Variants in UNC80 observed in about 807,000 individuals in gnomAD.
UNC80 encodes unc-80 subunit of NALCN channel complex.
Under a neutral mutation model 384.6 loss-of-function variants are expected in UNC80, and 164 were observed. That is an observed-to-expected ratio of 0.43 (90% CI 0.38 to 0.49). UNC80 has a LOEUF of 0.49. UNC80 is among the 20% of genes least tolerant of loss of function. The pLI is 0.00. For synonymous variants in UNC80, 1,486 were observed against 1,527.8 expected (o/e 0.97, Z 0.64); for missense variants, 3,330 against 4,143.0 (o/e 0.80, Z 5.39).
intron 61 of UNC80, among the ~76,000 whole-genome samples, chr2:209,989,248 G>A (rs1472748927): frequency 2.6e-5 from 4 of 151,346 alleles, no homozygotes; most frequent in South Asian, 2.1e-4. Flanking sequence ...TTGCTTGAAC[G>A]CAGGAGGTGG....
intron 29 of UNC80, 34 bp from the exon 30 acceptor site, chr2:209,912,526 A>T: frequency 1.4e-6 from 2 of 1,447,166 alleles, no homozygotes; most frequent in Non-Finnish European, 1.9e-6. Flanking sequence ...TAGAAAACAC[A>T]TCACTCTTCA....
At chr2:209,893,063 A>C (rs78559315) in intron 26 of UNC80, among the ~76,000 whole-genome samples, 2 of 152,248 alleles carry the variant, frequency 1.3e-5, no homozygotes, top group East Asian at 3.8e-4. Flanking sequence ...CATTAAAAGT[A>C]TACATTTAGC....
chr2:209,982,357 C>A, intron 60 of UNC80, 40 bp downstream of exon 60: 1 of 1,483,616 alleles, frequency 6.7e-7, no homozygotes, highest in Admixed American at 2.3e-5. Flanking sequence ...CATTTGGGGG[C>A]AAAGTTAGAA....
chr2:209,948,270 G>T (rs2092001290), intron 47 of UNC80, among the ~76,000 whole-genome samples: 3 of 152,012 alleles, frequency 2.0e-5, no homozygotes, highest in African/African-American at 7.3e-5. Context: ...TTCCAAGGTG[G>T]TTTCAATTTT....
chr2:209,894,492 C>T (rs1245982835), intron 27 of UNC80, 126 bp downstream of exon 27: 2 of 423,444 alleles, frequency 4.7e-6, no homozygotes, highest in Non-Finnish European at 6.3e-6. Context: ...GGATAGACAA[C>T]CTGTTCAGCC....
chr2:209,934,573 C>T (rs2091114221), intron 39 of UNC80, among the ~76,000 whole-genome samples: 1 of 152,094 alleles, frequency 6.6e-6, no homozygotes, highest in South Asian at 2.1e-4. Context: ...TGAGATGATA[C>T]ATGTATTGAA....
Position 209,817,800 on chromosome 2 carries a change from T to C in UNC80, c.1553-12T>C, listed in dbSNP as rs930261084. The C allele has an allele frequency of 3.7e-5, 57 of 1,551,420 alleles. No homozygotes were observed. The Admixed American group carries it at 4.3e-4, about 12-fold the overall frequency. On this transcript the variant is annotated splice_polypyrimidine_tract_variant and intron_variant, in intron 10 of 64. Transcript: ENST00000673920. ...TTAAAACCCTCTTGTGGGGTGCTCTTATTCATCCCAGGGAAATTGACCCGG... is the reference window on the plus strand; with the variant it reads ...TTAAAACCCTCTTGTGGGGTGCTCTCATTCATCCCAGGGAAATTGACCCGG...
intron 8 of UNC80, among the ~76,000 whole-genome samples, chr2:209,814,923 T>A (rs183793912): frequency 2.8e-4 from 42 of 152,158 alleles, no homozygotes; most frequent in African/African-American, 9.9e-4. Flanking sequence ...TAAGTGGATA[T>A]CTGCTTTACT....
At chr2:209,860,448 T>G (rs1368250889) in intron 22 of UNC80, among the ~76,000 whole-genome samples, 1 of 152,170 alleles carries the variant, frequency 6.6e-6, no homozygotes, top group Non-Finnish European at 1.5e-5. Context: ...TAGTTTGAAG[T>G]CAGTCAGCAT....
chr2:209,840,443 A>C (rs533179032), intron 19 of UNC80, 99 bp from the exon 20 acceptor site: 1 of 972,178 alleles, frequency 1.0e-6, no homozygotes, highest in Non-Finnish European at 1.6e-6. Flanking sequence ...ATACCAAGCC[A>C]TGTAACTTTC....
At chr2:209,931,465 C>G (rs2090868388) in intron 38 of UNC80, among the ~76,000 whole-genome samples, 2 of 146,826 alleles carry the variant, frequency 1.4e-5, no homozygotes, top group South Asian at 2.2e-4. Context: ...TATATTTTTG[C>G]ATGGCAACTG....
intron 59 of UNC80, among the ~76,000 whole-genome samples, chr2:209,980,028 C>T (rs530593877): frequency 5.3e-5 from 8 of 152,302 alleles, no homozygotes; most frequent in Non-Finnish European, 1.2e-4. Context: ...CAGCATTGGT[C>T]AGACAAGGGA....
rs1361743110 is a variant in UNC80, at chr2:209,976,043, A to C, written c.8588-76A>C. 2 of 1,441,430 alleles carry C rather than the reference A, an allele frequency of 1.4e-6. No homozygotes were observed. The highest frequency in any genetic ancestry group is 1.8e-6 in the Non-Finnish European group (2 of 1,088,106). 89.3% of individuals were successfully genotyped at this position (1,441,430 alleles called of 1,614,324 possible). On this transcript the variant is annotated intron_variant, in intron 56 of 64. Coordinates refer to ENST00000673920, the MANE Select transcript of UNC80 (RefSeq NM_001371986.1). The surrounding 1 kb of genome is among the most constrained non-coding windows in gnomAD (Gnocchi z 4.3). The stretch of plus-strand genomic sequence containing the variant: ...TTTAGAAAATTTCTAAAGGTGCATA[A>C]AGGGCTCTGGATGTAGGTTGGGTTC...
At chr2:209,961,213 C>A (rs576741927) in intron 51 of UNC80, 1 of 152,092 alleles carries the variant, frequency 6.6e-6, no homozygotes, top group East Asian at 1.9e-4. Flanking sequence ...CCTGGCGCTC[C>A]CTCTAGAGGC....
At chr2:209,943,155 C>T (rs925535130) in intron 44 of UNC80, among the ~76,000 whole-genome samples, 1 of 152,112 alleles carries the variant, frequency 6.6e-6, no homozygotes, top group African/African-American at 2.4e-5. Context: ...GAGATAAATT[C>T]CTAGTCACAA....
rs377158626 is a variant in UNC80 at position 209,984,716 on chromosome 2, T to C, written c.9258-140T>C. On this transcript the variant is annotated intron_variant, in intron 60 of 64. Coordinates refer to ENST00000673920, the MANE Select transcript of UNC80 (RefSeq NM_001371986.1). Reference sequence around the variant, plus strand: ...CCCAGCACAAGGTGAAATGGTTGACTGTCTCCTTTTCCTTCCTTGTTCGGT... The same window carrying C: ...CCCAGCACAAGGTGAAATGGTTGACCGTCTCCTTTTCCTTCCTTGTTCGGT... 1.8e-5 allele frequency: 14 copies of C among 775,334 alleles called. No homozygotes were observed. The East Asian group carries it at 2.5e-4, about 14-fold the overall frequency. 48.0% of individuals were successfully genotyped at this position (775,334 alleles called of 1,614,324 possible).
At chr2:209,981,923 A>G (rs2093166587) in intron 59 of UNC80, among the ~76,000 whole-genome samples, 3 of 152,218 alleles carry the variant, frequency 2.0e-5, no homozygotes, top group Admixed American at 6.5e-5. Flanking sequence ...CAAATAATCT[A>G]CTTGTAAAAA....
intron 24 of UNC80, among the ~76,000 whole-genome samples, chr2:209,879,044 T>G (rs2085037000): frequency 6.6e-6 from 1 of 152,146 alleles, no homozygotes; most frequent in Non-Finnish European, 1.5e-5. Context: ...AAGTTTTTTT[T>G]TTTTTGCATT....
chr2:209,786,980 C>CATATATATAT (rs60467878), intron 5 of UNC80, among the ~76,000 whole-genome samples: 27 of 135,828 alleles, frequency 2.0e-4, no homozygotes, highest in African/African-American at 7.6e-4. Flanking sequence ...TCTACAGAAG[C>CATATATATAT]ATATATATAT....
Sources: gnomAD v4.1 joint callset for allele counts (sites outside exome capture counted in the v4.1 genomes callset) on GRCh38, gnomAD v4.1.1 for gene constraint, Gnocchi (gnomAD v3.1) non-coding constraint, MANE v1.5 for transcripts, NCBI Gene and HGNC (gene_info 2026-07-23, HGNC 2026-07-21) for gene names.